The following GSG1L variants were observed in gnomAD, a reference collection of about 807,000 sequenced individuals.
GSG1L encodes germ cell-specific gene 1-like protein.
In GSG1L, 24 loss-of-function variants were observed where a neutral mutation model predicts 42.1. That is an observed-to-expected ratio of 0.57 (90% confidence interval 0.41 to 0.80). The LOEUF (loss-of-function observed/expected upper bound fraction) is 0.80, where lower values mean the gene tolerates loss of function less well. Ranked by LOEUF, GSG1L falls within the 30% of genes least tolerant of loss-of-function variation. The pLI is 0.00. For missense variants in GSG1L, 445 were observed against 472.2 expected (o/e 0.94, Z 0.53); for synonymous variants, 215 against 203.5 (o/e 1.06, Z -0.48).
At chr16:27,843,865 C>T (rs997408514) in intron 4 of GSG1L, among the ~76,000 whole-genome samples, 69 of 152,292 alleles carry the variant, frequency 4.5e-4, no homozygotes, top group South Asian at 1.5e-3. Flanking sequence ...TGACCTAAGC[C>T]CACCAGAGGG....
chr16:27,879,634 T>C (rs987987290), intron 3 of GSG1L, among the ~76,000 whole-genome samples: 1 of 152,046 alleles, frequency 6.6e-6, no homozygotes, highest in African/African-American at 2.4e-5. Context: ...TAATAAATTT[T>C]TTAACTTTTA....
intron 2 of GSG1L, among the ~76,000 whole-genome samples, chr16:27,889,007 C>T (rs1313239256): frequency 1.4e-5 from 2 of 146,464 alleles, no homozygotes; most frequent in Non-Finnish European, 3.0e-5. Context: ...TTTTTTGAGA[C>T]AGGATCTTGC....
chr16:27,803,854 GTAGA>G (rs2082920136), intron 6 of GSG1L, among the ~76,000 whole-genome samples: 1 of 148,130 alleles, frequency 6.8e-6, no homozygotes, highest in Non-Finnish European at 1.5e-5. Flanking sequence ...TAGATAGATG[GTAGA>G]TAGGATAGAT....
At position 27,839,924 on chromosome 16, in the gene GSG1L, G is replaced by A. The variant is rs530071437; in HGVS notation, c.662+5026C>T. Among the ~76,000 whole-genome samples the A allele has an allele frequency of 2.0e-5, 3 of 152,340 alleles. No individual in the cohort carries two copies. The South Asian group carries it at 6.2e-4, about 32-fold the overall frequency. On this transcript the variant is annotated intron_variant, in intron 4 of 6. Coordinates refer to ENST00000447459, the MANE Select transcript of GSG1L (RefSeq NM_001109763.2). ...TTCAACCTGTTTCCTGGTCCCTGAAGGGGGATGGCAGCCCCTCTCCTGGGG... is the reference window on the plus strand; with the variant it reads ...TTCAACCTGTTTCCTGGTCCCTGAAAGGGGATGGCAGCCCCTCTCCTGGGG...
At chr16:28,001,105 GGAAAA>G (rs1264112110) in intron 1 of GSG1L, among the ~76,000 whole-genome samples, 1 of 152,146 alleles carries the variant, frequency 6.6e-6, no homozygotes, top group Non-Finnish European at 1.5e-5. Context: ...AGACAAAAAA[GGAAAA>G]GAAAAGTTTG....
rs2082709973 is a variant in GSG1L, at chr16:27,787,834, C to T, written c.*3536G>A. On this transcript the variant is annotated 3_prime_UTR_variant, in exon 7 of 7. Transcript: ENST00000447459. Reference sequence around the variant, plus strand: ...CTGGTGGCCAGGGCTAGATCCCTGTCAGATCTGTCCCTGCCCAGGCCCATA... The same window carrying T: ...CTGGTGGCCAGGGCTAGATCCCTGTTAGATCTGTCCCTGCCCAGGCCCATA... 2 of 152,194 alleles carry T rather than the reference C, an allele frequency of 1.3e-5. No homozygotes were observed. The highest frequency in any genetic ancestry group is 2.1e-4 in the South Asian group (1 of 4,834). The allele number at this position is 152,194 out of a possible 1,614,324, so 9.4% of individuals were successfully genotyped here. A position where few individuals can be genotyped will look rare whatever the true frequency, so the allele number is the denominator to read the frequency against.
chr16:27,925,631 T>C (rs143445991), intron 2 of GSG1L, among the ~76,000 whole-genome samples: 1 of 152,266 alleles, frequency 6.6e-6, no homozygotes, highest in East Asian at 1.9e-4. Context: ...GAACACGCCA[T>C]GACCATCCGA....
chr16:27,976,991 C>T (rs1008301532), intron 1 of GSG1L, among the ~76,000 whole-genome samples: 3 of 152,182 alleles, frequency 2.0e-5, no homozygotes, highest in Non-Finnish European at 2.9e-5. Context: ...TGCTAAGCCC[C>T]TTTGGAAGGC....
At chr16:27,959,521 G>A (rs1356172787) in intron 2 of GSG1L, among the ~76,000 whole-genome samples, 4 of 144,786 alleles carry the variant, frequency 2.8e-5, no homozygotes, top group Non-Finnish European at 4.6e-5. Context: ...GGGGAGGGAA[G>A]GGGAGGGGAG....
At chr16:27,815,044 C>T (rs2083079289) in intron 5 of GSG1L, among the ~76,000 whole-genome samples, 2 of 152,094 alleles carry the variant, frequency 1.3e-5, no homozygotes, top group Non-Finnish European at 2.9e-5. Context: ...ATCCTCCTGC[C>T]TCAGCCTCCT....
rs76407537 is a variant in GSG1L at position 27,808,353 on chromosome 16, C to T, written c.831-799G>A. Among the ~76,000 whole-genome samples, 682 of 152,126 alleles carry T rather than the reference C, an allele frequency of 4.5e-3. 6 individuals are homozygous for T. Among genetic ancestry groups the T allele is most frequent in the African/African-American group, 0.015 (614 of 41,500 alleles). ...CCTCCTGCGTCTGCCTCCCAAAACT[C>T]TGGGATTATAGGCATGAGCCACTGT... On this transcript the variant is annotated intron_variant, in intron 5 of 6. Coordinates refer to ENST00000447459, the MANE Select transcript of GSG1L (RefSeq NM_001109763.2).
chr16:27,858,926 G>A (rs2083610297), intron 3 of GSG1L, among the ~76,000 whole-genome samples: 1 of 152,236 alleles, frequency 6.6e-6, no homozygotes, highest in Non-Finnish European at 1.5e-5. Flanking sequence ...CCCTGAGAAG[G>A]TGACATTTAA....
intron 2 of GSG1L, among the ~76,000 whole-genome samples, chr16:27,924,966 C>T (rs1159903773): frequency 1.3e-5 from 2 of 152,174 alleles, no homozygotes; most frequent in Non-Finnish European, 2.9e-5. Flanking sequence ...TACTTCTAAA[C>T]CAATCACTGT....
intron 2 of GSG1L, among the ~76,000 whole-genome samples, chr16:27,946,611 G>A (rs1191343858): frequency 3.4e-3 from 28 of 8,270 alleles, no homozygotes; most frequent in African/African-American, 0.011. Context: ...GAGAGAGAGA[G>A]AGAGAGAGAG....
chr16:27,902,392 C>T (rs1438285807), intron 2 of GSG1L, among the ~76,000 whole-genome samples: 1 of 152,162 alleles, frequency 6.6e-6, no homozygotes, highest in Non-Finnish European at 1.5e-5. Flanking sequence ...GATTGGAACC[C>T]CTCTGGTGAC....
At chr16:27,936,685 G>C (rs1378202929) in intron 2 of GSG1L, among the ~76,000 whole-genome samples, 1 of 152,168 alleles carries the variant, frequency 6.6e-6, no homozygotes, top group Admixed American at 6.5e-5. Flanking sequence ...TTGCAAATCA[G>C]AGCCTGGATT....
intron 1 of GSG1L, among the ~76,000 whole-genome samples, chr16:27,965,805 T>A (rs928199002): frequency 3.8e-4 from 58 of 152,184 alleles, no homozygotes; most frequent in African/African-American, 1.4e-3. Context: ...TTCTGCCCCA[T>A]CCTCACAGTG....
chr16:27,893,699 C>T (rs2084156860), intron 2 of GSG1L, among the ~76,000 whole-genome samples: 1 of 152,128 alleles, frequency 6.6e-6, no homozygotes, highest in Admixed American at 6.6e-5. Context: ...TCTGTCTCAG[C>T]CTCCCGAGTA....
intron 5 of GSG1L, among the ~76,000 whole-genome samples, 194 bp from the exon 6 acceptor site, chr16:27,807,748 T>C (rs1169152270): frequency 2.0e-5 from 3 of 152,182 alleles, no homozygotes. Context: ...ATTCTACTAA[T>C]GAAGAAACTG....
Sources: gnomAD v4.1 joint callset for allele counts (sites outside exome capture counted in the v4.1 genomes callset) on GRCh38, gnomAD v4.1.1 for gene constraint, MANE v1.5 for transcripts, NCBI Gene and HGNC (gene_info 2026-07-23, HGNC 2026-07-21) for gene names.